Variants in CPS1 observed in about 807,000 individuals in gnomAD.
CPS1 encodes carbamoyl-phosphate synthase 1.
A neutral mutation model predicts 174.6 loss-of-function variants in CPS1; 109 were observed. The observed-to-expected ratio is 0.62, with a 90% confidence interval of 0.53 to 0.73. CPS1 has a LOEUF of 0.73. Among genes scored for constraint, CPS1 ranks in the 30% least tolerant of loss-of-function variants. The probability of loss-of-function intolerance (pLI) is 0.00; values close to 1 mark genes in which losing one functional copy is unlikely to be tolerated. For synonymous variants in CPS1, 637 were observed against 632.0 expected, an observed-to-expected ratio of 1.01 and a Z score of -0.12; for missense variants, 1,689 against 1,821.9, an observed-to-expected ratio of 0.93 and a Z score of 1.33.
chr2:210,499,185 G>A (rs1695078358), intron 1 of CPS1, among the ~76,000 whole-genome samples: 1 of 152,096 alleles, frequency 6.6e-6, no homozygotes, highest in African/African-American at 2.4e-5. Flanking sequence ...GCAGGGTGGG[G>A]TATCTTAGGT....
At chr2:210,642,355 G>A (rs1479272766) in intron 24 of CPS1, 129 bp from the exon 25 acceptor site, 2 of 1,123,106 alleles carry the variant, frequency 1.8e-6, no homozygotes, top group Non-Finnish European at 2.7e-6. Flanking sequence ...ATATCTTGGA[G>A]TTTAAAAAAT....
At chr2:210,606,492 A>T (rs1383947452) in intron 17 of CPS1, among the ~76,000 whole-genome samples, 1 of 151,896 alleles carries the variant, frequency 6.6e-6, no homozygotes, top group Non-Finnish European at 1.5e-5. Flanking sequence ...TAGACGATTG[A>T]AGCCTTGATA....
Position 210,498,077 on chromosome 2 carries a change from G to A in CPS1, c.3+20311G>A, listed in dbSNP as rs182766959. The stretch of plus-strand genomic sequence containing the variant: ...TTTTCTTCACAGCCTCGCCAGCATC[G>A]GTTGTTTTTTGACTTTTTAATAACG... On this transcript the variant is annotated intron_variant, in intron 1 of 38. Coordinates refer to the CPS1 transcript ENST00000430249. Among the ~76,000 whole-genome samples, 112 of 151,310 alleles carry A rather than the reference G, an allele frequency of 7.4e-4. No individual in the cohort carries two copies. In the East Asian group the frequency reaches 0.019, roughly 25 times the overall value.
At chr2:210,631,614 TAGAA>T (rs1381675825) in intron 21 of CPS1, among the ~76,000 whole-genome samples, 1 of 152,182 alleles carries the variant, frequency 6.6e-6, no homozygotes, top group African/African-American at 2.4e-5. Flanking sequence ...TGCTGCTAAG[TAGAA>T]AGAAACTGAA....
chr2:210,497,423 G>A (rs1695016693), intron 1 of CPS1, among the ~76,000 whole-genome samples: 1 of 151,698 alleles, frequency 6.6e-6, no homozygotes, highest in African/African-American at 2.4e-5. Flanking sequence ...TAGATTTGGG[G>A]GTAATGAGCA....
chr2:210,547,766 T>C (rs1696602493), intron 1 of CPS1, among the ~76,000 whole-genome samples: 1 of 152,094 alleles, frequency 6.6e-6, no homozygotes, highest in Non-Finnish European at 1.5e-5. Flanking sequence ...AAAGGTTTAT[T>C]AGTGAATCTG....
intron 8 of CPS1, 97 bp downstream of exon 8, chr2:210,590,331 AT>A: frequency 6.4e-7 from 1 of 1,556,222 alleles, no homozygotes; most frequent in Non-Finnish European, 8.8e-7. Flanking sequence ...TTATTCAGGC[AT>A]TTTTCAATGC....
chr2:210,538,959 C>G (rs1696330976), intron 1 of CPS1, among the ~76,000 whole-genome samples: 1 of 152,074 alleles, frequency 6.6e-6, no homozygotes, highest in South Asian at 2.1e-4. Context: ...TTTTTCTAGT[C>G]ACTTACAGGT....
At chr2:210,564,470 G>T (rs1054820921) in intron 1 of CPS1, among the ~76,000 whole-genome samples, 2 of 151,956 alleles carry the variant, frequency 1.3e-5, no homozygotes, top group Non-Finnish European at 2.9e-5. Flanking sequence ...CCGCCTCCGG[G>T]GTTCACGCCA....
chr2:210,605,272 T>C lies in CPS1; in HGVS notation c.1981+26T>C, dbSNP rs763825799. 37 of 1,610,696 alleles carry C rather than the reference T, an allele frequency of 2.3e-5. No individual in the cohort carries two copies. In the East Asian group the frequency reaches 7.4e-4, roughly 32 times the overall value. On this transcript the variant is annotated intron_variant, in intron 17 of 37. Coordinates refer to ENST00000233072, the MANE Select transcript of CPS1 (RefSeq NM_001875.5). ...GTAGGCAAAGTATCTTCAAGAACTA[T>C]AGTAATGCTTTCAGTTCATGTCTTT...
At position 210,675,852 on chromosome 2, in the gene CPS1, G is replaced by A. The variant is rs1346087064; in HGVS notation, c.4274+12G>A. On this transcript the variant is annotated intron_variant, in intron 36 of 37. Coordinates refer to ENST00000233072, the MANE Select transcript of CPS1 (RefSeq NM_001875.5). Reference sequence around the variant, plus strand: ...TCTTCCATCAGAAAGTAAGAACTAGGCATACTGTTTTCTGAAATAATTTAG... The same window carrying A: ...TCTTCCATCAGAAAGTAAGAACTAGACATACTGTTTTCTGAAATAATTTAG... 3.4e-6 allele frequency: 4 copies of A among 1,166,334 alleles called. No individual in the cohort carries two copies. Among genetic ancestry groups the A allele is most frequent in the East Asian group, 4.7e-5 (2 of 42,880 alleles). The allele number at this position is 1,166,334 out of a possible 1,614,324, so 72.2% of individuals were successfully genotyped here. A position where few individuals can be genotyped will look rare whatever the true frequency, so the allele number is the denominator to read the frequency against.
At position 210,579,789 on chromosome 2, in the gene CPS1, G is replaced by T. The variant is rs1242539404; in HGVS notation, c.528+19G>T. Reference sequence around the variant, plus strand: ...GGATAAGGTATAATCATCATCTTTAGCCAAATCTATGTTTCTTCGGGTGTG... The same window carrying T: ...GGATAAGGTATAATCATCATCTTTATCCAAATCTATGTTTCTTCGGGTGTG... On this transcript the variant is annotated intron_variant, in intron 5 of 37. Transcript: ENST00000233072. 1.3e-6 allele frequency: 2 copies of T among 1,599,514 alleles called. No individual in the cohort carries two copies. The highest frequency in any genetic ancestry group is 1.7e-5 in the Admixed American group (1 of 59,864).
chr2:210,655,594 C>G (rs952817463), intron 29 of CPS1, among the ~76,000 whole-genome samples: 1 of 152,120 alleles, frequency 6.6e-6, no homozygotes, highest in African/African-American at 2.4e-5. Context: ...TAAATAAGCT[C>G]TTGTAAAAAA....
intron 29 of CPS1, among the ~76,000 whole-genome samples, chr2:210,655,162 CA>C (rs1700666670): frequency 6.6e-6 from 1 of 152,232 alleles, no homozygotes; most frequent in South Asian, 2.1e-4. Context: ...AGTTTCAGAG[CA>C]AAAACTTAAT....
chr2:210,479,940 A>G (rs1208496889), intron 1 of CPS1, among the ~76,000 whole-genome samples: 1 of 152,230 alleles, frequency 6.6e-6, no homozygotes, highest in Admixed American at 6.5e-5. Flanking sequence ...CAGAGAAAAC[A>G]ACTATATTCT....
intron 6 of CPS1, among the ~76,000 whole-genome samples, chr2:210,583,900 G>A (rs4640325): frequency 0.08 from 12,215 of 152,168 alleles, 608 homozygotes; most frequent in East Asian, 0.25. Context: ...CCTGAACTGA[G>A]CAGTAGTAGC....
chr2:210,649,912 G>A (rs79208889), intron 27 of CPS1, among the ~76,000 whole-genome samples: 2,028 of 152,248 alleles, frequency 0.013, 26 homozygotes, highest in Non-Finnish European at 0.018. Flanking sequence ...TCTGGTTGAG[G>A]GAGTAGCATA....
chr2:210,548,569 C>T (rs1696623936), intron 1 of CPS1, among the ~76,000 whole-genome samples: 1 of 151,984 alleles, frequency 6.6e-6, no homozygotes, highest in African/African-American at 2.4e-5. Context: ...GTATTGAAAT[C>T]CAAGTAGGCA....
intron 2 of CPS1, among the ~76,000 whole-genome samples, chr2:210,574,399 G>A (rs1338412334): frequency 6.6e-6 from 1 of 151,938 alleles, no homozygotes; most frequent in African/African-American, 2.4e-5. Flanking sequence ...TATACTAATT[G>A]ACCAAACTTC....
Sources: gnomAD v4.1 joint callset for allele counts (sites outside exome capture counted in the v4.1 genomes callset) on GRCh38, gnomAD v4.1.1 for gene constraint, MANE v1.5 for transcripts, NCBI Gene and HGNC (gene_info 2026-07-23, HGNC 2026-07-21) for gene names.